The following KIAA1549 variants were observed in gnomAD, a reference collection of about 807,000 sequenced individuals.
The protein encoded by KIAA1549 is UPF0606 protein KIAA1549.
In KIAA1549, 70 loss-of-function variants were observed where a neutral mutation model predicts 156.4. The ratio of observed to expected loss-of-function variants is 0.45; its 90% CI spans 0.37 to 0.55. The LOEUF (loss-of-function observed/expected upper bound fraction) is 0.55. KIAA1549 is among the 20% of genes least tolerant of loss of function. The pLI is 0.00. For synonymous variants in KIAA1549, 1,103 were observed against 1,066.4 expected (o/e 1.03, Z -0.67); for missense variants, 2,428 against 2,540.9 (o/e 0.96, Z 0.96).
intron 1 of KIAA1549, among the ~76,000 whole-genome samples, chr7:138,972,779 T>C (rs577968013): frequency 1.3e-5 from 2 of 152,068 alleles, no homozygotes; most frequent in East Asian, 3.9e-4. Context: ...AGCCATGAGG[T>C]CCTTCCTTCT....
rs1372701744 is a variant in KIAA1549, at chr7:138,917,843, C to T, written c.1783G>A (p.Val595Ile). 6.2e-7 allele frequency: 1 copy of T among 1,602,942 alleles called. No homozygotes were observed. Among genetic ancestry groups the T allele is most frequent in the South Asian group, 1.1e-5 (1 of 88,682 alleles). The change falls in exon 2 of 20, where the codon GTT (valine) becomes ATT (isoleucine). Residue 595 changes from valine to isoleucine, a missense_variant. Val to Ile is a conservative substitution (Grantham distance 29). Coordinates refer to ENST00000422774, the MANE Select transcript of KIAA1549 (RefSeq NM_001164665.2). ...AAAAGTGAAGACTCCACTGAAGGAA[C>T]CAGACTATAAGGCGTAAAAACACTC... ...DPSVFTPYSL[V>I]PSVESSLFSD...
intron 7 of KIAA1549, among the ~76,000 whole-genome samples, chr7:138,904,347 T>C (rs567826562): frequency 1.3e-5 from 2 of 152,172 alleles, no homozygotes; most frequent in Non-Finnish European, 2.9e-5. Flanking sequence ...ATAGAAATTA[T>C]CTGGAAAAGA....
intron 1 of KIAA1549, among the ~76,000 whole-genome samples, chr7:138,919,913 C>G (rs767443712): frequency 9.9e-5 from 15 of 152,104 alleles, no homozygotes; most frequent in Non-Finnish European, 1.6e-4. Context: ...CTGGCTGCTA[C>G]GAGAAATGAA....
At chr7:138,950,510 C>A (rs1427632717) in intron 1 of KIAA1549, among the ~76,000 whole-genome samples, 1 of 152,174 alleles carries the variant, frequency 6.6e-6, no homozygotes, top group Non-Finnish European at 1.5e-5. Context: ...CTCTGGAATA[C>A]AAATTCATTC....
In KIAA1549 at chr7:138,980,479, C is replaced by T. The variant is rs79136240; in HGVS notation, c.187+604G>A. On this transcript the variant is annotated intron_variant, in intron 1 of 19. Coordinates refer to ENST00000422774, the MANE Select transcript of KIAA1549 (RefSeq NM_001164665.2). The stretch of plus-strand genomic sequence containing the variant: ...TAAGAATCAAAATATTTTCACACTC[C>T]ATTGTACTAATAATGCCTTGCAGAA... 5.8e-4 allele frequency among the ~76,000 whole-genome samples: 89 copies of T among 152,310 alleles called. No homozygotes were observed. The East Asian group carries it at 0.015, about 25-fold the overall frequency.
intron 1 of KIAA1549, among the ~76,000 whole-genome samples, chr7:138,976,324 G>A (rs1287044662): frequency 3.9e-5 from 6 of 152,122 alleles, no homozygotes; most frequent in Non-Finnish European, 7.4e-5. Context: ...TGATCCCAAA[G>A]TGTTGGGATT....
At chr7:138,909,539 T>C (rs982349547) in intron 4 of KIAA1549, among the ~76,000 whole-genome samples, 1 of 152,176 alleles carries the variant, frequency 6.6e-6, no homozygotes, top group African/African-American at 2.4e-5. Flanking sequence ...AAATTGGTGA[T>C]GTTGATAAAT....
Position 138,832,211 on chromosome 7 carries a change from T to TTTTTTTTTTTTTTTTTTTTTTTG in KIAA1549, c.*5694_*5695insCAAAAAAAAAAAAAAAAAAAAAA, listed in dbSNP as rs1563039507. On this transcript the variant is annotated 3_prime_UTR_variant, in exon 20 of 20. Transcript: ENST00000422774. ...TATTCCTTTTTTTTTTTTTTTTTTT[T>TTTTTTTTTTTTTTTTTTTTTTTG]CCAGAGACAGGACCTCACCCTGCAG... The TTTTTTTTTTTTTTTTTTTTTTTG allele has an allele frequency of 5.5e-6, 1 of 182,232 alleles. No homozygotes were observed. The highest frequency in any genetic ancestry group is 1.1e-5 in the Non-Finnish European group (1 of 92,506). 11.3% of individuals were successfully genotyped at this position (182,232 alleles called of 1,614,324 possible). A position where few individuals can be genotyped will look rare whatever the true frequency, so the allele number is the denominator to read the frequency against.
chr7:138,872,375 G>A (rs1318879892), intron 12 of KIAA1549, among the ~76,000 whole-genome samples: 52 of 139,866 alleles, frequency 3.7e-4, no homozygotes, highest in Non-Finnish European at 5.0e-4. Flanking sequence ...AAAAAAAAAA[G>A]AAATTCAAAT....
chr7:138,908,756 T>A (rs1235304740), intron 5 of KIAA1549, among the ~76,000 whole-genome samples: 1 of 152,194 alleles, frequency 6.6e-6, no homozygotes, highest in Non-Finnish European at 1.5e-5. Context: ...TGGTCATGTT[T>A]CTTCAGCTCA....
intron 13 of KIAA1549, 31 bp from the exon 14 acceptor site, chr7:138,869,792 C>T (rs777785699): frequency 5.2e-6 from 8 of 1,544,648 alleles, no homozygotes; most frequent in African/African-American, 1.4e-5. Context: ...GAAAGACAGC[C>T]ATAGAGGTCC....
intron 1 of KIAA1549, among the ~76,000 whole-genome samples, chr7:138,945,654 A>G (rs1813315657): frequency 6.6e-6 from 1 of 152,146 alleles, no homozygotes; most frequent in Non-Finnish European, 1.5e-5. Flanking sequence ...CCTGCCCAAG[A>G]CTGTGACTTC....
chr7:138,873,788 C>T (rs950190124), intron 12 of KIAA1549, among the ~76,000 whole-genome samples: 1 of 151,564 alleles, frequency 6.6e-6, no homozygotes, highest in Non-Finnish European at 1.5e-5. Flanking sequence ...ATGCACAAAC[C>T]CTGGGCCACT....
In KIAA1549 at chr7:138,917,100, C is replaced by T. The variant is rs757485290; in HGVS notation, c.2526G>A (p.Ala842=). The change falls in exon 2 of 20, where the codon GCG becomes GCA. Residue 842 remains alanine, a synonymous_variant. Coordinates refer to ENST00000422774, the MANE Select transcript of KIAA1549 (RefSeq NM_001164665.2). ...CAAACGAGGATCCTGATGGCAGGTACGCGTCAGTGATCAACACCGTACCAG... is the reference window on the plus strand; with the variant it reads ...CAAACGAGGATCCTGATGGCAGGTATGCGTCAGTGATCAACACCGTACCAG... The part of the protein sequence containing the change: ...IPTGTVLITD[A]YLPSGSSFVS... 38 of 1,609,828 alleles carry T rather than the reference C, an allele frequency of 2.4e-5. No homozygotes were observed. The highest frequency in any genetic ancestry group is 1.5e-4 in the Admixed American group (9 of 59,818).
chr7:138,974,437 T>G (rs1814312258), intron 1 of KIAA1549, among the ~76,000 whole-genome samples: 1 of 152,024 alleles, frequency 6.6e-6, no homozygotes, highest in Non-Finnish European at 1.5e-5. Context: ...CTCAGTGGTT[T>G]GGTTTTGTTT....
intron 1 of KIAA1549, among the ~76,000 whole-genome samples, chr7:138,947,676 T>C (rs375234426): frequency 6.6e-6 from 1 of 152,180 alleles, no homozygotes; most frequent in Non-Finnish European, 1.5e-5. Context: ...AAACCAAACT[T>C]TTCTGAGATT....
In KIAA1549 at chr7:138,917,823, T is replaced by G. The variant is rs766865954; in HGVS notation, c.1803A>C (p.Ser601=). 37 of 1,597,188 alleles carry G rather than the reference T, an allele frequency of 2.3e-5. No homozygotes were observed. In the South Asian group the frequency reaches 3.2e-4, roughly 14 times the overall value. ...TGGAACGTTCTTGGTCAGAGAAAAG[T>G]GAAGACTCCACTGAAGGAACCAGAC... ...PYSLVPSVES[S]LFSDQERSSF... Residue 601 remains serine (S), a synonymous_variant, in exon 2 of 20, where the codon TCA becomes TCC. Coordinates refer to ENST00000422774, the MANE Select transcript of KIAA1549 (RefSeq NM_001164665.2).
intron 9 of KIAA1549, 43 bp from the exon 10 acceptor site, chr7:138,894,569 C>A: frequency 6.3e-7 from 1 of 1,592,232 alleles, no homozygotes. Context: ...TCCTTCTTCA[C>A]TCATGCACTA....
chr7:138,897,891 T>G (rs1811727131), intron 9 of KIAA1549, among the ~76,000 whole-genome samples: 1 of 18,130 alleles, frequency 5.5e-5, no homozygotes, highest in Non-Finnish European at 9.8e-5. Context: ...AGACCCTTTC[T>G]CAAAAAAAAA....
Sources: allele counts gnomAD v4.1 joint callset (sites outside exome capture counted in the v4.1 genomes callset), GRCh38; gene constraint gnomAD v4.1.1; transcripts MANE v1.5; gene names NCBI Gene and HGNC (gene_info 2026-07-23, HGNC 2026-07-21).